The following DLGAP2 variants were observed in gnomAD, a reference collection of about 807,000 sequenced individuals.
DLGAP2 encodes the protein DLG associated protein 2, also known as disks large-associated protein 2.
Under a neutral mutation model 100.3 loss-of-function variants are expected in DLGAP2, and 26 were observed. The observed-to-expected ratio is 0.26, with a 90% CI of 0.19 to 0.36. The LOEUF is 0.36. Among genes scored for constraint, DLGAP2 ranks in the 10% least tolerant of loss-of-function variants. The pLI, the probability that DLGAP2 is intolerant of heterozygous loss-of-function variation, is 1.00. For synonymous variants in DLGAP2, 886 were observed against 630.1 expected (o/e 1.41, Z -6.08); for missense variants, 1,858 against 1,453.2 (o/e 1.28, Z -4.53).
At chr8:1,333,045 G>A (rs1458352304) in intron 3 of DLGAP2, among the ~76,000 whole-genome samples, 1 of 152,158 alleles carries the variant, frequency 6.6e-6, no homozygotes, top group African/African-American at 2.4e-5. Context: ...GACACCGCCC[G>A]AGGTGTTGAA....
At chr8:1,379,175 C>T (rs751524992) in intron 3 of DLGAP2, among the ~76,000 whole-genome samples, 2 of 152,268 alleles carry the variant, frequency 1.3e-5, no homozygotes, top group African/African-American at 4.8e-5. Context: ...ACGTCAGCCT[C>T]ACGGGGCCAC....
At position 1,549,193 on chromosome 8, in the gene DLGAP2, A is replaced by G; in HGVS notation, c.740A>G (p.Glu247Gly). The change falls in exon 5 of 15, where the codon GAG (glutamate) becomes GGG (glycine). Residue 247 changes from glutamate (E) to glycine (G), a missense_variant. Coordinates refer to ENST00000637795, the MANE Select transcript of DLGAP2 (RefSeq NM_001346810.2). ...QKLFTKSHSL[E>G]GSSKSNANGT... ...CTCTTCACCAAGTCGCACTCGCTGG[A>G]GGGCTCCTCCAAAAGCAACGCCAAC... 6.2e-7 allele frequency: 1 copy of G among 1,600,740 alleles called. No homozygotes were observed. Among genetic ancestry groups the G allele is most frequent in the East Asian group, 2.3e-5 (1 of 44,134 alleles).
In DLGAP2 at chr8:1,339,011, G is replaced by T. The variant is rs568918909; in HGVS notation, c.106+80128G>T. Among the ~76,000 whole-genome samples the T allele has an allele frequency of 4.9e-5, 7 of 141,930 alleles. No homozygotes were observed. The South Asian group carries it at 1.3e-3, about 26-fold the overall frequency. 93.1% of individuals were successfully genotyped at this position (141,930 alleles called of 152,430 possible). On this transcript the variant is annotated intron_variant, in intron 3 of 14. Transcript: ENST00000637795. Reference sequence around the variant, plus strand: ...GCGTCAGGACCTGGCAGGGAATGCAGTGACCTAAGGGAAGTGTCAGGACCT... The same window carrying T: ...GCGTCAGGACCTGGCAGGGAATGCATTGACCTAAGGGAAGTGTCAGGACCT...
At chr8:742,378 T>C (rs750470154) in intron 1 of DLGAP2, among the ~76,000 whole-genome samples, 45 of 152,250 alleles carry the variant, frequency 3.0e-4, no homozygotes, top group Non-Finnish European at 5.6e-4. Context: ...TTAAAATGTT[T>C]CATACTCTGT....
chr8:1,251,589 G>A (rs1283697225), intron 2 of DLGAP2, among the ~76,000 whole-genome samples: 1 of 152,168 alleles, frequency 6.6e-6, no homozygotes, highest in South Asian at 2.1e-4. Flanking sequence ...GCAAGCCACG[G>A]TGCCTGGCTG....
intron 2 of DLGAP2, among the ~76,000 whole-genome samples, chr8:1,129,924 T>G (rs1353711771): frequency 6.6e-6 from 1 of 152,156 alleles, no homozygotes; most frequent in East Asian, 1.9e-4. Context: ...GAATTCAGCA[T>G]CCATTCAGCC....
chr8:1,373,695 A>G (rs1802311099), intron 3 of DLGAP2: 1 of 152,242 alleles, frequency 6.6e-6, no homozygotes, highest in African/African-American at 2.4e-5. Flanking sequence ...GCGTCCACCA[A>G]CTAGGAGCTT....
At chr8:1,267,610 A>ATAAAATAATAAAAT (rs1491373210) in intron 3 of DLGAP2, among the ~76,000 whole-genome samples, 9 of 112,754 alleles carry the variant, frequency 8.0e-5, no homozygotes, top group African/African-American at 4.0e-4. Context: ...AGATAAGATA[A>ATAAAATAATAAAAT]GATAAGATAA....
At chr8:1,478,849 A>T (rs1231153245) in intron 3 of DLGAP2, among the ~76,000 whole-genome samples, 3 of 152,246 alleles carry the variant, frequency 2.0e-5, no homozygotes, top group African/African-American at 7.2e-5. Context: ...ATCAGTCATT[A>T]GCCAGGTACA....
intron 1 of DLGAP2, among the ~76,000 whole-genome samples, chr8:906,372 G>A (rs1275657926): frequency 6.6e-6 from 1 of 152,218 alleles, no homozygotes; most frequent in African/African-American, 2.4e-5. Context: ...AGACCTGGTG[G>A]ATCATTGAAT....
intron 4 of DLGAP2, among the ~76,000 whole-genome samples, chr8:1,519,587 A>G (rs7815339): frequency 0.69 from 105,630 of 152,202 alleles, 37,047 homozygotes; most frequent in South Asian, 0.82. Context: ...GGTTCTGACG[A>G]CCCTGAGCCT....
At chr8:1,118,865 C>T (rs1454270960) in intron 2 of DLGAP2, among the ~76,000 whole-genome samples, 1 of 152,182 alleles carries the variant, frequency 6.6e-6, no homozygotes, top group African/African-American at 2.4e-5. Context: ...CTCGAAATGA[C>T]ACCAACACCT....
At position 1,444,220 on chromosome 8, in the gene DLGAP2, G is replaced by A. The variant is rs1385823308; in HGVS notation, c.107-57146G>A. Among the ~76,000 whole-genome samples the A allele has an allele frequency of 2.0e-5, 3 of 152,054 alleles. No individual in the cohort carries two copies. The East Asian group carries it at 5.8e-4, about 29-fold the overall frequency. On this transcript the variant is annotated intron_variant, in intron 3 of 14. Coordinates refer to ENST00000637795, the MANE Select transcript of DLGAP2 (RefSeq NM_001346810.2). ...GTTGCCTTGGCCTCCCACAGCTCTG[G>A]GATTATAGGCATGAGTCACTGCACC...
At chr8:1,167,091 G>A (rs1317110257) in intron 2 of DLGAP2, among the ~76,000 whole-genome samples, 8 of 152,040 alleles carry the variant, frequency 5.3e-5, no homozygotes, top group Non-Finnish European at 1.5e-5. Context: ...AGCTGTGATT[G>A]TATCACTGTA....
chr8:1,502,658 G>A (rs955227651), intron 4 of DLGAP2, among the ~76,000 whole-genome samples: 17 of 152,168 alleles, frequency 1.1e-4, no homozygotes, highest in African/African-American at 3.1e-4. Flanking sequence ...TTAAACCTCA[G>A]TCTGGCAATA....
intron 4 of DLGAP2, among the ~76,000 whole-genome samples, chr8:1,523,004 A>G (rs1029645641): frequency 1.3e-5 from 2 of 152,206 alleles, no homozygotes; most frequent in African/African-American, 4.8e-5. Context: ...CACATAAACT[A>G]AGGACCAGGG....
intron 2 of DLGAP2, among the ~76,000 whole-genome samples, chr8:1,162,662 A>G (rs1796914240): frequency 6.6e-6 from 1 of 152,224 alleles, no homozygotes; most frequent in African/African-American, 2.4e-5. Flanking sequence ...TTCTGGATAT[A>G]TTTTTATTTC....
At chr8:1,559,653 T>C (rs1802092656) in intron 5 of DLGAP2, among the ~76,000 whole-genome samples, 1 of 152,218 alleles carries the variant, frequency 6.6e-6, no homozygotes. Context: ...GGAAACATGT[T>C]TTTAATTCAC....
chr8:1,609,905 AC>A (rs1796939427), intron 6 of DLGAP2, among the ~76,000 whole-genome samples: 1 of 150,452 alleles, frequency 6.6e-6, no homozygotes, highest in African/African-American at 2.4e-5. Flanking sequence ...TGAGTGACCT[AC>A]AAAGAGACTT....
Sources: allele counts gnomAD v4.1 joint callset (sites outside exome capture counted in the v4.1 genomes callset), GRCh38; gene constraint gnomAD v4.1.1; transcripts MANE v1.5; gene names NCBI Gene and HGNC (gene_info 2026-07-23, HGNC 2026-07-21).